Variants in ZNF142 observed in about 807,000 individuals in gnomAD.
ZNF142 encodes the protein zinc finger protein 142.
ZNF142 carries 96 observed loss-of-function variants against 132.1 expected under a neutral mutation model. The ratio of observed to expected loss-of-function variants is 0.73; its 90% CI spans 0.62 to 0.86. The LOEUF (loss-of-function observed/expected upper bound fraction) is 0.86. Ranked by LOEUF, ZNF142 falls within the 40% of genes least tolerant of loss-of-function variation. ZNF142 has a pLI of 0.00. For missense variants in ZNF142, 2,163 were observed against 2,336.2 expected, an observed-to-expected ratio of 0.93 and a Z score of 1.53; for synonymous variants, 842 against 890.1, an observed-to-expected ratio of 0.95 and a Z score of 0.96.
In ZNF142 at chr2:218,648,656, G is replaced by A. The variant is rs369649419; in HGVS notation, c.1852C>T (p.Arg618Ter). The A allele has an allele frequency of 2.5e-6, 4 of 1,613,500 alleles. No individual in the cohort carries two copies. The highest frequency in any genetic ancestry group is 2.5e-6 in the Non-Finnish European group (3 of 1,179,438). The change falls in exon 7 of 11, where the codon CGA (arginine) becomes TGA (stop). Residue 618 changes from arginine (R) to a stop codon, truncating the protein, a stop_gained. Coordinates refer to ENST00000411696, the MANE Select transcript of ZNF142 (RefSeq NM_001379659.1). LOFTEE classifies it high-confidence loss of function. Reference sequence around the variant, plus strand: ...CTACCCGTATGTAGAAGCATGTGTCGGATGAGCACCCTCTTGTGGGCAGTG... The same window carrying A: ...CTACCCGTATGTAGAAGCATGTGTCAGATGAGCACCCTCTTGTGGGCAGTG... Reference protein sequence around the residue: ...FATAHKRVLIRHMLLHTGEKP... With the variant: ...FATAHKRVLI
chr2:218,652,998 G>C lies in ZNF142; in HGVS notation c.281-698C>G, dbSNP rs191443437. On this transcript the variant is annotated intron_variant, in intron 4 of 10. Coordinates refer to ENST00000411696, the MANE Select transcript of ZNF142 (RefSeq NM_001379659.1). ...TTTGTTGTTAAAAAAAAAAATTTCA[G>C]GGCCAGGTGCAGTGGCTCACGCCTG... Among the ~76,000 whole-genome samples, 18 of 151,442 alleles carry C rather than the reference G, an allele frequency of 1.2e-4. No homozygotes were observed. The East Asian group carries it at 3.5e-3, about 29-fold the overall frequency.
chr2:218,643,778 G>C lies in ZNF142; in HGVS notation c.3338C>G (p.Pro1113Arg). ...DSPIPLQPVL[P>R]GTQASEDTES... is the part of the protein sequence containing the mutation. ...TGTGTCCTCTGAGGCCTGGGTACCT[G>C]GGAGCACAGGTTGCAGAGGGATGGG... is the stretch of plus-strand genomic sequence containing the variant. Residue 1113 changes from proline to arginine, a missense_variant, in exon 9 of 11, where the codon CCA becomes CGA. Transcript: ENST00000411696. 6.2e-7 allele frequency: 1 copy of C among 1,611,508 alleles called. No individual in the cohort carries two copies. Among genetic ancestry groups the C allele is most frequent in the Non-Finnish European group, 8.5e-7 (1 of 1,178,600 alleles).
At chr2:218,647,546 G>A (rs1697853316) in intron 7 of ZNF142, among the ~76,000 whole-genome samples, 1 of 152,036 alleles carries the variant, frequency 6.6e-6, no homozygotes, top group African/African-American at 2.4e-5. Flanking sequence ...CCATTAAGTG[G>A]TAGTTTAAAT....
intron 4 of ZNF142, among the ~76,000 whole-genome samples, chr2:218,655,707 A>T (rs1426632897): frequency 2.0e-5 from 3 of 152,174 alleles, no homozygotes; most frequent in African/African-American, 4.8e-5. Flanking sequence ...TGTTATACAC[A>T]AAAAACTAGG....
intron 7 of ZNF142, 142 bp downstream of exon 7, chr2:218,648,488 CAACTT>C (rs1325994020): frequency 3.2e-5 from 24 of 751,078 alleles, no homozygotes; most frequent in African/African-American, 2.6e-4. Context: ...AAATGACACT[CAACTT>C]AAGGCTCATT....
rs938592132 is a variant in ZNF142, at chr2:218,637,801, G to A, written c.*538C>T. 16 of 152,350 alleles carry A rather than the reference G, an allele frequency of 1.1e-4. No homozygotes were observed. Among genetic ancestry groups the A allele is most frequent in the African/African-American group, 3.6e-4 (15 of 41,462 alleles). 9.4% of individuals were successfully genotyped at this position (152,350 alleles called of 1,614,324 possible). A position where few individuals can be genotyped will look rare whatever the true frequency, so the allele number is the denominator to read the frequency against. Reference sequence around the variant, plus strand: ...GCCTGTTTCAGTATCAATACTGAGTGAAGATGGAAGGGACAAAAGGGAGGC... The same window carrying A: ...GCCTGTTTCAGTATCAATACTGAGTAAAGATGGAAGGGACAAAAGGGAGGC... On this transcript the variant is annotated 3_prime_UTR_variant, in exon 11 of 11. Transcript: ENST00000411696.
At chr2:218,646,382 A>G in intron 7 of ZNF142, 34 bp from the exon 8 acceptor site, 4 of 1,610,166 alleles carry the variant, frequency 2.5e-6, no homozygotes, top group South Asian at 1.1e-5. Flanking sequence ...GGGAGAGAAC[A>G]CAGGTCAGAT....
Position 218,633,697 on chromosome 2 carries a change from C to T in ZNF142, c.*4642G>A. 1 of 1,613,960 alleles carries T rather than the reference C, an allele frequency of 6.2e-7. No homozygotes were observed. The highest frequency in any genetic ancestry group is 2.2e-5 in the East Asian group (1 of 44,888). On this transcript the variant is annotated 3_prime_UTR_variant, in exon 11 of 11. Transcript: ENST00000411696. Reference sequence around the variant, plus strand: ...GCAGCTTCACACATTCAAAGGAGCACTACCACTTCTACGAGATATCATCTT... The same window carrying T: ...GCAGCTTCACACATTCAAAGGAGCATTACCACTTCTACGAGATATCATCTT...
chr2:218,651,708 C>G lies in ZNF142; in HGVS notation c.873G>C (p.Leu291=), dbSNP rs1281786406. 5 of 1,282,524 alleles carry G rather than the reference C, an allele frequency of 3.9e-6. No homozygotes were observed. Among genetic ancestry groups the G allele is most frequent in the Non-Finnish European group, 5.1e-6 (5 of 984,828 alleles). The allele number at this position is 1,282,524 out of a possible 1,614,324, so 79.4% of individuals were successfully genotyped here. A position where few individuals can be genotyped will look rare whatever the true frequency, so the allele number is the denominator to read the frequency against. The part of the protein sequence containing the change: ...SAVQGLPSQE[L]LPAPKLPPGE... The stretch of plus-strand genomic sequence containing the variant: ...TGGCCCTTGGCCTCATACCTGGCAG[C>G]AGCTCCTGGGATGGAAGGCCCTGAA... Residue 291 remains leucine (L), a synonymous_variant, in exon 5 of 11, where the codon CTG becomes CTC. Coordinates refer to ENST00000411696, the MANE Select transcript of ZNF142 (RefSeq NM_001379659.1).
chr2:218,641,477 C>T (rs1387686583), intron 9 of ZNF142, among the ~76,000 whole-genome samples: 1 of 151,806 alleles, frequency 6.6e-6, no homozygotes, highest in Non-Finnish European at 1.5e-5. Context: ...ATCTCCTGAC[C>T]TCATGATCCG....
At position 218,635,801 on chromosome 2, in the gene ZNF142, C is replaced by T. The variant is rs1026660483; in HGVS notation, c.*2538G>A. ...TTCCAGAGCCCTGACTACAGGTGAT[C>T]AGCGGTCAGCAACTCCCCAAAGTGG... On this transcript the variant is annotated 3_prime_UTR_variant, in exon 11 of 11. Transcript: ENST00000411696. The T allele has an allele frequency of 3.1e-6, 5 of 1,611,932 alleles. No individual in the cohort carries two copies. The highest frequency in any genetic ancestry group is 1.7e-5 in the Admixed American group (1 of 59,656).
intron 10 of ZNF142, among the ~76,000 whole-genome samples, chr2:218,639,956 T>C (rs1267072411): frequency 7.2e-6 from 1 of 138,110 alleles, no homozygotes; most frequent in Non-Finnish European, 1.5e-5. Flanking sequence ...CTCGGGAGGC[T>C]AAGGCAGGAG....
intron 4 of ZNF142, among the ~76,000 whole-genome samples, chr2:218,652,563 A>G (rs1225958286): frequency 6.6e-6 from 1 of 152,210 alleles, no homozygotes; most frequent in African/African-American, 2.4e-5. Context: ...CAAGCAAGCA[A>G]ATCCAGAAAG....
At chr2:218,656,506 C>A in intron 3 of ZNF142, 43 bp from the exon 4 acceptor site, 1 of 1,392,452 alleles carries the variant, frequency 7.2e-7, no homozygotes, top group Non-Finnish European at 9.4e-7. Flanking sequence ...GGTTAGAGTT[C>A]TTACTTTCTT....
At position 218,646,052 on chromosome 2, in the gene ZNF142, C is replaced by T. The variant is rs190693686; in HGVS notation, c.2051+119G>A. The T allele has an allele frequency of 2.6e-4, 359 of 1,400,700 alleles. 1 individual carries two copies. The African/African-American group carries it at 4.5e-3, about 18-fold the overall frequency. The allele number at this position is 1,400,700 out of a possible 1,614,324, so 86.8% of individuals were successfully genotyped here. ...ACAGGTGTGAGCCATTGCACCCGGCCTTAGGAGGAGACTCTCCAGGGACCG... is the reference window on the plus strand; with the variant it reads ...ACAGGTGTGAGCCATTGCACCCGGCTTTAGGAGGAGACTCTCCAGGGACCG... On this transcript the variant is annotated intron_variant, in intron 8 of 10. Transcript: ENST00000411696.
Position 218,642,378 on chromosome 2 carries a change from G to A in ZNF142, c.4738C>T (p.His1580Tyr). 1.2e-6 allele frequency: 2 copies of A among 1,613,054 alleles called. No homozygotes were observed. Among genetic ancestry groups the A allele is most frequent in the African/African-American group, 1.3e-5 (1 of 75,068 alleles). ...GCAAAGTCACAGAGCTGACAGCGGT[G>A]GCTGAAATGCTGCTGCCTCCGGTGC... ...DEHRRQQHFS[H>Y]RCQLCDFAAR... is the part of the protein sequence containing the mutation. Residue 1580 changes from histidine (H) to tyrosine (Y), a missense_variant, in exon 9 of 11, where the codon CAC (histidine) becomes TAC (tyrosine). Transcript: ENST00000411696. The surrounding 1 kb of genome is among the most constrained non-coding windows in gnomAD (Gnocchi z 4.6).
chr2:218,641,896 T>A, intron 9 of ZNF142, 132 bp downstream of exon 9: 1 of 1,189,180 alleles, frequency 8.4e-7, no homozygotes, highest in Middle Eastern at 2.4e-4. Flanking sequence ...ATGAAGAATC[T>A]GAGGCTTGGT....
intron 7 of ZNF142, among the ~76,000 whole-genome samples, chr2:218,647,492 T>A (rs1050942591): frequency 2.8e-5 from 4 of 143,880 alleles, no homozygotes; most frequent in African/African-American, 1.0e-4. Context: ...ATTATCACCC[T>A]CATTTTACAG....
At chr2:218,651,387 T>C (rs1457681196) in intron 5 of ZNF142, among the ~76,000 whole-genome samples, 4 of 152,244 alleles carry the variant, frequency 2.6e-5, no homozygotes, top group African/African-American at 9.6e-5. Flanking sequence ...TAGCCAATGA[T>C]GGTCATTTTC....
Sources: allele counts gnomAD v4.1 joint callset (sites outside exome capture counted in the v4.1 genomes callset), GRCh38; gene constraint gnomAD v4.1.1; non-coding constraint Gnocchi (gnomAD v3.1); transcripts MANE v1.5; gene names NCBI Gene and HGNC (gene_info 2026-07-23, HGNC 2026-07-21).